Variants in KCNQ2 observed in about 807,000 individuals in gnomAD.
KCNQ2 encodes potassium voltage-gated channel subfamily KQT member 2.
In KCNQ2, 14 loss-of-function variants were observed where a neutral mutation model predicts 84.8. The ratio of observed to expected loss-of-function variants is 0.17; its 90% CI spans 0.11 to 0.26. The LOEUF (loss-of-function observed/expected upper bound fraction) is 0.26. Ranked by LOEUF, KCNQ2 falls within the 10% of genes least tolerant of loss-of-function variation. The pLI is 1.00. For missense variants in KCNQ2, 788 were observed against 1,254.0 expected (o/e 0.63, Z 5.61); for synonymous variants, 599 against 554.1 (o/e 1.08, Z -1.14).
In KCNQ2 at chr20:63,414,943, A is replaced by G; in HGVS notation, c.1485T>C (p.Ala495=). Residue 495 remains alanine (A), a synonymous_variant, in exon 13 of 17, where the codon GCT becomes GCC. Transcript: ENST00000359125. The surrounding 1 kb of genome is among the most constrained non-coding windows in gnomAD (Gnocchi z 6.6). ...GTGACGCGGCACCCTTGATGCGGAA[A>G]GCCTGGCGTGCCCGGCTGCGGTCCC... The part of the protein sequence containing the change: ...SFGDRSRARQ[A]FRIKGAASRQ... 6.2e-7 allele frequency: 1 copy of G among 1,612,738 alleles called. No individual in the cohort carries two copies. The highest frequency in any genetic ancestry group is 8.5e-7 in the Non-Finnish European group (1 of 1,179,954).
intron 1 of KCNQ2, among the ~76,000 whole-genome samples, chr20:63,453,985 G>C (rs1054244913): frequency 6.6e-6 from 1 of 152,116 alleles, no homozygotes; most frequent in Admixed American, 6.6e-5. Context: ...TAAAAAAAAC[G>C]AGGCCCAGGT....
chr20:63,409,404 G>A (rs1181041363), intron 15 of KCNQ2, among the ~76,000 whole-genome samples: 1 of 152,254 alleles, frequency 6.6e-6, no homozygotes, highest in East Asian at 1.9e-4. Flanking sequence ...AAGGGAGGGA[G>A]GCTCCTTTGC....
Position 63,445,298 on chromosome 20 carries a change from A to G in KCNQ2, c.454T>C (p.Cys152Arg). The stretch of plus-strand genomic sequence containing the variant: ...CGCCCCCTCCAGCCACGGTACCGGC[A>G]GCAGCAGCCTGCGGCCCAGATCCGC... ...FVRIWAAGCC[C>R]RYRGWRGRLK... The change falls in exon 3 of 17, where the codon TGC becomes CGC. Residue 152 changes from cysteine to arginine, a missense_variant. By Grantham distance (180) the Cys-to-Arg change is radical. Around this residue, in one of 8 missense-constraint regions of KCNQ2, gnomAD observed 106 missense variants for 214.8 expected, o/e 0.49. Transcript: ENST00000359125. 1 of 1,613,844 alleles carries G rather than the reference A, an allele frequency of 6.2e-7. No homozygotes were observed. Among genetic ancestry groups the G allele is most frequent in the Non-Finnish European group, 8.5e-7 (1 of 1,180,008 alleles).
In KCNQ2 at chr20:63,419,601, C is replaced by T. The variant is rs373549314; in HGVS notation, c.1301+18G>A. On this transcript the variant is annotated intron_variant, in intron 12 of 16. Transcript: ENST00000359125. ...GCCGTGCAGCAGCCGTCAGTCCGTG[C>T]GGCGTGTTCCGCGGTACCTAGAGCG... 15 of 1,604,194 alleles carry T rather than the reference C, an allele frequency of 9.4e-6. No individual in the cohort carries two copies. Among genetic ancestry groups the T allele is most frequent in the East Asian group, 2.2e-5 (1 of 44,550 alleles).
intron 1 of KCNQ2, among the ~76,000 whole-genome samples, chr20:63,465,424 G>A (rs1204782998): frequency 2.6e-5 from 4 of 152,200 alleles, no homozygotes; most frequent in Non-Finnish European, 4.4e-5. Context: ...GAGCCATCAA[G>A]GACAGAGCCT....
At position 63,457,556 on chromosome 20, in the gene KCNQ2, G is replaced by A. The variant is rs1049889512; in HGVS notation, c.297-10719C>T. 6.0e-5 allele frequency among the ~76,000 whole-genome samples: 9 copies of A among 149,754 alleles called. No homozygotes were observed. The East Asian group carries it at 9.6e-4, about 16-fold the overall frequency. On this transcript the variant is annotated intron_variant, in intron 1 of 16. Coordinates refer to ENST00000359125, the MANE Select transcript of KCNQ2 (RefSeq NM_172107.4). Reference sequence around the variant, plus strand: ...ATCCTGGGCAGGGAGGCGCTCTCAGGGGGCTCTCGATGCCCCACACTGACC... The same window carrying A: ...ATCCTGGGCAGGGAGGCGCTCTCAGAGGGCTCTCGATGCCCCACACTGACC...
intron 2 of KCNQ2, 95 bp from the exon 3 acceptor site, chr20:63,445,459 C>T: frequency 2.8e-6 from 4 of 1,445,590 alleles, no homozygotes; most frequent in Non-Finnish European, 3.8e-6. Context: ...GCCCAGGGAC[C>T]AAGCCACAGG....
chr20:63,471,981 C>T (rs1207005453), intron 1 of KCNQ2, among the ~76,000 whole-genome samples, 187 bp downstream of exon 1: 1 of 152,206 alleles, frequency 6.6e-6, no homozygotes, highest in Non-Finnish European at 1.5e-5. Flanking sequence ...GGAATCCTTC[C>T]TGCCCGCGCG....
At chr20:63,436,449 G>A (rs970787722) in intron 7 of KCNQ2, among the ~76,000 whole-genome samples, 1 of 151,902 alleles carries the variant, frequency 6.6e-6, no homozygotes, top group Non-Finnish European at 1.5e-5. Context: ...GAGAATGGCA[G>A]GAACCAGGGA....
chr20:63,448,427 A>T (rs2081500170), intron 1 of KCNQ2: 1 of 152,272 alleles, frequency 6.6e-6, no homozygotes, highest in Admixed American at 6.5e-5. Flanking sequence ...GCCACAGAGC[A>T]GCCGCTTCCC....
At chr20:63,469,903 C>T (rs909258875) in intron 1 of KCNQ2, among the ~76,000 whole-genome samples, 1 of 152,258 alleles carries the variant, frequency 6.6e-6, no homozygotes, top group South Asian at 2.1e-4. Context: ...AAACACCACA[C>T]CAGGGGTCTG....
At chr20:63,416,301 C>T (rs945694733) in intron 12 of KCNQ2, among the ~76,000 whole-genome samples, 9 of 152,208 alleles carry the variant, frequency 5.9e-5, no homozygotes, top group Admixed American at 2.0e-4. Flanking sequence ...GCCTTGCCCC[C>T]GAGTTTTTTG....
In KCNQ2 at chr20:63,466,849, C is replaced by G. The variant is rs117481823; in HGVS notation, c.296+5319G>C. 5.9e-5 allele frequency among the ~76,000 whole-genome samples: 9 copies of G among 152,326 alleles called. No individual in the cohort carries two copies. The East Asian group carries it at 1.7e-3, about 29-fold the overall frequency. On this transcript the variant is annotated intron_variant, in intron 1 of 16. Coordinates refer to ENST00000359125, the MANE Select transcript of KCNQ2 (RefSeq NM_172107.4). Reference sequence around the variant, plus strand: ...AGCACGTCTCACACGGGCGGAAGCACAGAGGGGAGCGGGGCTGCGTCCACA... The same window carrying G: ...AGCACGTCTCACACGGGCGGAAGCAGAGAGGGGAGCGGGGCTGCGTCCACA...
At chr20:63,413,206 G>A (rs1178288728) in intron 15 of KCNQ2, 2 of 556,432 alleles carry the variant, frequency 3.6e-6, no homozygotes, top group Admixed American at 6.3e-5. Context: ...CATTTTCAGG[G>A]ACCCACACAC....
Position 63,400,558 on chromosome 20 carries a change from C to A in KCNQ2, c.*6086G>T. On this transcript the variant is annotated 3_prime_UTR_variant, in exon 17 of 17. Transcript: ENST00000359125. This position sits in a 1 kb window ranked among gnomAD's most constrained non-coding sequence, Gnocchi z 8.7. ...GGCACAAGGACACATACAAAATGGTCAGAAGTGTACGTCGGTACTGAAGGC... is the reference window on the plus strand; with the variant it reads ...GGCACAAGGACACATACAAAATGGTAAGAAGTGTACGTCGGTACTGAAGGC... 1 of 398,364 alleles carries A rather than the reference C, an allele frequency of 2.5e-6. No homozygotes were observed. The highest frequency in any genetic ancestry group is 1.3e-4 in the South Asian group (1 of 7,678). 24.7% of individuals were successfully genotyped at this position (398,364 alleles called of 1,614,324 possible).
At chr20:63,451,716 C>T (rs555715419) in intron 1 of KCNQ2, among the ~76,000 whole-genome samples, 1 of 152,086 alleles carries the variant, frequency 6.6e-6, no homozygotes, top group African/African-American at 2.4e-5. Context: ...CGGACCCAGT[C>T]ATCTCCCCAC....
intron 9 of KCNQ2, 58 bp from the exon 10 acceptor site, chr20:63,428,493 C>T: frequency 7.1e-7 from 1 of 1,406,742 alleles, no homozygotes; most frequent in Non-Finnish European, 9.9e-7. Flanking sequence ...CCTGGGACAC[C>T]TCCCTCTGCT....
At chr20:63,463,201 G>A (rs1600855778) in intron 1 of KCNQ2, among the ~76,000 whole-genome samples, 1 of 152,086 alleles carries the variant, frequency 6.6e-6, no homozygotes, top group African/African-American at 2.4e-5. Context: ...GTTCTGGGCT[G>A]CAGTGAGCTA....
chr20:63,465,803 G>A (rs979123752), intron 1 of KCNQ2, among the ~76,000 whole-genome samples: 4 of 152,178 alleles, frequency 2.6e-5, no homozygotes, highest in African/African-American at 4.8e-5. Context: ...AAGTGTTGTC[G>A]GAAGGCAGAG....
Sources: gnomAD v4.1 joint callset for allele counts (sites outside exome capture counted in the v4.1 genomes callset) on GRCh38, gnomAD v4.1.1 for gene constraint, gnomAD v4.1.1 regional missense constraint, Gnocchi (gnomAD v3.1) non-coding constraint, MANE v1.5 for transcripts, NCBI Gene and HGNC (gene_info 2026-07-23, HGNC 2026-07-21) for gene names.